Variants in NDUFA10 observed in about 807,000 individuals in gnomAD.
NDUFA10 encodes NADH dehydrogenase [ubiquinone] 1 alpha subcomplex subunit 10, mitochondrial.
A neutral mutation model predicts 47.8 loss-of-function variants in NDUFA10; 40 were observed. The ratio of observed to expected loss-of-function variants is 0.84; its 90% CI spans 0.65 to 1.09. The LOEUF (loss-of-function observed/expected upper bound fraction) is 1.09. Ranked by LOEUF, NDUFA10 falls within the 50% of genes least tolerant of loss-of-function variation. The pLI is 0.00. For synonymous variants in NDUFA10, 183 were observed against 172.2 expected (o/e 1.06, Z -0.49); for missense variants, 413 against 451.1 (o/e 0.92, Z 0.76).
At chr2:239,961,415 C>T (rs1297022739) in intron 9 of NDUFA10, among the ~76,000 whole-genome samples, 1 of 152,168 alleles carries the variant, frequency 6.6e-6, no homozygotes, top group Admixed American at 6.5e-5. Flanking sequence ...GGCTGGGAGC[C>T]ACAAATGGAA....
At chr2:239,892,751 A>G (rs1379168678) in intron 5 of NDUFA10, 1 of 152,310 alleles carries the variant, frequency 6.6e-6, no homozygotes, top group Non-Finnish European at 1.5e-5. Context: ...CCACCCAAGC[A>G]AAACATGACT....
intron 4 of NDUFA10, among the ~76,000 whole-genome samples, chr2:239,927,128 C>G (rs1235617105): frequency 6.6e-6 from 1 of 152,080 alleles, no homozygotes; most frequent in Non-Finnish European, 1.5e-5. Flanking sequence ...CACAGTTATA[C>G]CCTATCAGAC....
At chr2:240,004,829 C>T (rs1162379261) in intron 8 of NDUFA10, among the ~76,000 whole-genome samples, 1 of 152,194 alleles carries the variant, frequency 6.6e-6, no homozygotes, top group Non-Finnish European at 1.5e-5. Flanking sequence ...CCCCTAGCTA[C>T]TCACCACCCT....
At chr2:239,984,246 CAAAA>C (rs1695910492) in intron 9 of NDUFA10, among the ~76,000 whole-genome samples, 1 of 143,600 alleles carries the variant, frequency 7.0e-6, no homozygotes, top group Non-Finnish European at 1.5e-5. Flanking sequence ...AAAAAAAAAA[CAAAA>C]AACAAAAACC....
intron 4 of NDUFA10, among the ~76,000 whole-genome samples, chr2:239,921,996 CCTTCCTTCTTTCCTTCCTTCCCTT>C (rs1375275006): frequency 0.017 from 1,390 of 82,514 alleles, 33 homozygotes; most frequent in African/African-American, 0.054. Context: ...TTCCCTCCCT[CCTTCCTTCTTTCCTTCCTTCCCTT>C]CTTCCTTCTT....
At chr2:239,989,026 A>T (rs1696136919) in intron 9 of NDUFA10, among the ~76,000 whole-genome samples, 1 of 151,504 alleles carries the variant, frequency 6.6e-6, no homozygotes, top group Non-Finnish European at 1.5e-5. Context: ...CAGATAAGGG[A>T]GAAACAGCAC....
chr2:240,013,389 T>C (rs1263716857), intron 5 of NDUFA10: 1 of 152,258 alleles, frequency 6.6e-6, no homozygotes, highest in Non-Finnish European at 1.5e-5. Flanking sequence ...TGAAATACTG[T>C]TTTCCCAGAT....
At chr2:239,956,273 C>G (rs113819278), downstream of NDUFA10, among the ~76,000 whole-genome samples, 1,299 of 152,288 alleles carry the variant, frequency 8.5e-3, 18 homozygotes, top group African/African-American at 0.03. Context: ...AAATAAAAGT[C>G]TGACGCACGG....
At chr2:240,017,967 A>G in intron 4 of NDUFA10, 1 of 1,385,932 alleles carries the variant, frequency 7.2e-7, no homozygotes, top group Admixed American at 2.0e-5. Flanking sequence ...ACCGCCCAAC[A>G]CAGTCCTAGT....
chr2:239,935,303 GAT>G (rs1400439004), intron 4 of NDUFA10, among the ~76,000 whole-genome samples: 2 of 152,246 alleles, frequency 1.3e-5, no homozygotes, highest in Non-Finnish European at 2.9e-5. Flanking sequence ...TTGGTGAACA[GAT>G]TTTAGCTCAT....
chr2:240,002,176 A>G (rs1696746549), intron 8 of NDUFA10, among the ~76,000 whole-genome samples: 2 of 151,982 alleles, frequency 1.3e-5, no homozygotes, highest in Admixed American at 6.6e-5. Flanking sequence ...CTAAAAATAC[A>G]AAAAATTAGC....
At position 239,915,212 on chromosome 2, in the gene NDUFA10, CACAG is replaced by C. The variant is rs1234604051; in HGVS notation, c.295-19902_295-19899del. On this transcript the variant is annotated intron_variant, in intron 4 of 5. Transcript: ENST00000419408. ...ACACACGTATACAGACACACAAATA[CACAG>C]ACACAGAGAGACACAGATACACAAA... is the stretch of plus-strand genomic sequence containing the variant. 1.5e-3 allele frequency among the ~76,000 whole-genome samples: 164 copies of C among 108,244 alleles called. 1 individual carries two copies. Among genetic ancestry groups the C allele is most frequent in the African/African-American group, 5.7e-3 (160 of 27,828 alleles). 71.0% of individuals were successfully genotyped at this position (108,244 alleles called of 152,430 possible). A position where few individuals can be genotyped will look rare whatever the true frequency, so the allele number is the denominator to read the frequency against.
At chr2:239,998,456 C>T (rs538273815) in intron 8 of NDUFA10, among the ~76,000 whole-genome samples, 4 of 152,240 alleles carry the variant, frequency 2.6e-5, no homozygotes, top group Non-Finnish European at 5.9e-5. Context: ...TCTCAGAAAG[C>T]CTTTCCTTCG....
chr2:239,930,698 G>A (rs963140720), intron 4 of NDUFA10, among the ~76,000 whole-genome samples: 3 of 152,166 alleles, frequency 2.0e-5, no homozygotes, highest in East Asian at 1.9e-4. Flanking sequence ...ACCGGGAGCC[G>A]GACCAGAGGG....
chr2:239,905,274 G>A (rs1239415957), intron 4 of NDUFA10, among the ~76,000 whole-genome samples: 1 of 152,204 alleles, frequency 6.6e-6, no homozygotes, highest in Non-Finnish European at 1.5e-5. Flanking sequence ...CCACATGGAA[G>A]GACAACCCTT....
intron 8 of NDUFA10, among the ~76,000 whole-genome samples, chr2:239,998,428 A>G (rs1278377547): frequency 6.6e-6 from 1 of 152,192 alleles, no homozygotes; most frequent in Non-Finnish European, 1.5e-5. Flanking sequence ...TTTTCTGCCA[A>G]AAGCACAGCT....
At chr2:239,979,441 C>T (rs1360517465) in intron 9 of NDUFA10, among the ~76,000 whole-genome samples, 1 of 152,216 alleles carries the variant, frequency 6.6e-6, no homozygotes, top group Non-Finnish European at 1.5e-5. Flanking sequence ...AGGCCCTCAG[C>T]AGCCCGCTCC....
At chr2:239,963,448 C>T (rs1204626547) in intron 9 of NDUFA10, among the ~76,000 whole-genome samples, 1 of 152,216 alleles carries the variant, frequency 6.6e-6, no homozygotes, top group East Asian at 1.9e-4. Flanking sequence ...TCTGACAAGA[C>T]CTTTGGCCTA....
At chr2:239,935,892 C>A (rs1167502456) in intron 4 of NDUFA10, among the ~76,000 whole-genome samples, 1 of 152,188 alleles carries the variant, frequency 6.6e-6, no homozygotes, top group Admixed American at 6.5e-5. Context: ...TATAAAATAC[C>A]CGGTCTTGAC....
Sources: allele counts gnomAD v4.1 joint callset (sites outside exome capture counted in the v4.1 genomes callset), GRCh38; gene constraint gnomAD v4.1.1; transcripts MANE v1.5; gene names NCBI Gene and HGNC (gene_info 2026-07-23, HGNC 2026-07-21).